Variants in DLGAP2 observed in about 807,000 individuals in gnomAD.
DLGAP2 encodes DLG associated protein 2, also known as disks large-associated protein 2.
In DLGAP2, 26 loss-of-function variants were observed where a neutral mutation model predicts 100.3. That is an observed-to-expected ratio of 0.26 (90% CI 0.19 to 0.36). The LOEUF is 0.36. DLGAP2 is among the 10% of genes least tolerant of loss of function. The pLI is 1.00. For synonymous variants in DLGAP2, 886 were observed against 630.1 expected (o/e 1.41, Z -6.08); for missense variants, 1,858 against 1,453.2 (o/e 1.28, Z -4.53).
chr8:1,443,186 A>T lies in DLGAP2; in HGVS notation c.107-58180A>T, dbSNP rs796351671. Reference sequence around the variant, plus strand: ...AAAAACTTAGAAAACATAGATCAACATGAAAAGATATTGACATATAATCCC... The same window carrying T: ...AAAAACTTAGAAAACATAGATCAACTTGAAAAGATATTGACATATAATCCC... On this transcript the variant is annotated intron_variant, in intron 3 of 14. Transcript: ENST00000637795. Among the ~76,000 whole-genome samples, 10 of 152,228 alleles carry T rather than the reference A, an allele frequency of 6.6e-5. No homozygotes were observed. The South Asian group carries it at 2.1e-3, about 32-fold the overall frequency.
chr8:1,126,451 GAC>G (rs1796167624), intron 2 of DLGAP2, among the ~76,000 whole-genome samples: 1 of 151,674 alleles, frequency 6.6e-6, no homozygotes, highest in Admixed American at 6.6e-5. Flanking sequence ...GGAGAGAAGA[GAC>G]ACAGGCAGAT....
chr8:930,081 G>T (rs1051274858), intron 2 of DLGAP2, among the ~76,000 whole-genome samples: 1 of 152,158 alleles, frequency 6.6e-6, no homozygotes, highest in Admixed American at 6.5e-5. Context: ...CCACACTGAT[G>T]TGTTTGCATC....
chr8:1,064,833 C>T (rs1424906142), intron 2 of DLGAP2, among the ~76,000 whole-genome samples: 3 of 152,220 alleles, frequency 2.0e-5, no homozygotes, highest in African/African-American at 7.2e-5. Context: ...TGGTCCGTTT[C>T]ACCCCCCTCC....
intron 3 of DLGAP2, among the ~76,000 whole-genome samples, chr8:1,335,829 A>G (rs566859978): frequency 6.6e-6 from 1 of 152,246 alleles, no homozygotes; most frequent in South Asian, 2.1e-4. Flanking sequence ...TCAGATAAAT[A>G]AGAAAATGTG....
At chr8:1,280,535 A>G (rs566871336) in intron 3 of DLGAP2, among the ~76,000 whole-genome samples, 1 of 152,294 alleles carries the variant, frequency 6.6e-6, no homozygotes, top group South Asian at 2.1e-4. Flanking sequence ...AGGAGGAGGG[A>G]TTTCTTGTGG....
chr8:1,543,149 G>C (rs1801418870), intron 4 of DLGAP2, among the ~76,000 whole-genome samples: 2 of 152,188 alleles, frequency 1.3e-5, no homozygotes, highest in South Asian at 4.1e-4. Flanking sequence ...CCATTCTGTG[G>C]ATGGCCTTTG....
At chr8:1,582,789 A>G (rs1054513560) in intron 6 of DLGAP2, among the ~76,000 whole-genome samples, 2 of 152,138 alleles carry the variant, frequency 1.3e-5, no homozygotes, top group African/African-American at 2.4e-5. Context: ...TAGAGACAAG[A>G]GTTTCACCAT....
At chr8:1,355,010 G>A (rs995865084) in intron 3 of DLGAP2, among the ~76,000 whole-genome samples, 1 of 149,992 alleles carries the variant, frequency 6.7e-6, no homozygotes, top group Non-Finnish European at 1.5e-5. Context: ...GATGAGGGTG[G>A]AAAGTCACGG....
chr8:1,633,944 G>T (rs940758840), intron 8 of DLGAP2, among the ~76,000 whole-genome samples: 12 of 152,232 alleles, frequency 7.9e-5, no homozygotes, highest in Admixed American at 7.2e-4. Flanking sequence ...GCAGGAGTGT[G>T]TCATCATACC....
intron 2 of DLGAP2, among the ~76,000 whole-genome samples, chr8:1,036,365 C>G (rs571083425): frequency 6.6e-6 from 1 of 152,264 alleles, no homozygotes; most frequent in Non-Finnish European, 1.5e-5. Context: ...GGACACAAGA[C>G]CCCCCGACGT....
intron 3 of DLGAP2, among the ~76,000 whole-genome samples, chr8:1,474,305 C>T (rs147539558): frequency 4.6e-5 from 7 of 152,208 alleles, no homozygotes; most frequent in Non-Finnish European, 7.4e-5. Flanking sequence ...GGGCTGGTTC[C>T]GTGTTTTTGT....
chr8:1,627,439 C>T (rs1018948641), intron 7 of DLGAP2, among the ~76,000 whole-genome samples: 12 of 152,188 alleles, frequency 7.9e-5, no homozygotes, highest in Non-Finnish European at 1.2e-4. Context: ...GACACGGGGG[C>T]TGTGAAAGGG....
chr8:1,695,337 G>A (rs1799361856), intron 13 of DLGAP2, among the ~76,000 whole-genome samples: 1 of 140,210 alleles, frequency 7.1e-6, no homozygotes, highest in Non-Finnish European at 1.5e-5. Flanking sequence ...GCCATGCCCG[G>A]CCCTACAGAA....
At chr8:976,439 A>G (rs190885923) in intron 2 of DLGAP2, among the ~76,000 whole-genome samples, 3 of 152,032 alleles carry the variant, frequency 2.0e-5, no homozygotes, top group Non-Finnish European at 4.4e-5. Flanking sequence ...GTAAAACCCC[A>G]TGTCTACTAA....
At chr8:1,316,519 G>A (rs1314358217) in intron 3 of DLGAP2, among the ~76,000 whole-genome samples, 9 of 132,326 alleles carry the variant, frequency 6.8e-5, no homozygotes, top group Non-Finnish European at 1.3e-4. Flanking sequence ...GTCTACACTC[G>A]AGACACTCGG....
intron 1 of DLGAP2, among the ~76,000 whole-genome samples, chr8:885,526 A>C (rs970126346): frequency 6.6e-6 from 1 of 152,212 alleles, no homozygotes; most frequent in South Asian, 2.1e-4. Flanking sequence ...TTTTGGGCTG[A>C]GGTGATGAAG....
chr8:903,931 G>A lies in DLGAP2; in HGVS notation c.19-3981G>A, dbSNP rs377079458. ...TCGTCAGGGACCCTCTGTTCCCCTG[G>A]AGGGCGGAGCTGCACGGGAGGCATC... On this transcript the variant is annotated intron_variant, in intron 1 of 14. Coordinates refer to ENST00000637795, the MANE Select transcript of DLGAP2 (RefSeq NM_001346810.2). Among the ~76,000 whole-genome samples, 290 of 152,356 alleles carry A rather than the reference G, an allele frequency of 1.9e-3. 2 individuals are homozygous for A. Among genetic ancestry groups the A allele is most frequent in the African/African-American group, 6.2e-3 (257 of 41,594 alleles).
chr8:1,188,427 G>T (rs1181837616), intron 2 of DLGAP2, among the ~76,000 whole-genome samples: 2 of 111,494 alleles, frequency 1.8e-5, no homozygotes, highest in East Asian at 2.4e-4. Flanking sequence ...AATCGCGCAC[G>T]CCCGGGACCT....
chr8:1,527,904 A>T (rs926384783), intron 4 of DLGAP2, among the ~76,000 whole-genome samples: 2 of 152,024 alleles, frequency 1.3e-5, no homozygotes, highest in African/African-American at 4.8e-5. Flanking sequence ...ATGTTCAACT[A>T]TGCTTTTAAG....
Sources: allele counts gnomAD v4.1 joint callset (sites outside exome capture counted in the v4.1 genomes callset), GRCh38; gene constraint gnomAD v4.1.1; transcripts MANE v1.5; gene names NCBI Gene and HGNC (gene_info 2026-07-23, HGNC 2026-07-21).